Variants in UPRT observed in about 807,000 individuals in gnomAD.
UPRT encodes RP11-311P8.3.
UPRT carries 5 observed loss-of-function variants against 22.6 expected under a neutral mutation model. The ratio of observed to expected loss-of-function variants is 0.22; its 90% CI spans 0.12 to 0.47. The LOEUF (loss-of-function observed/expected upper bound fraction) is 0.47, where lower values mean the gene tolerates loss of function less well. Ranked by LOEUF, UPRT falls within the 20% of genes least tolerant of loss-of-function variation. The probability of loss-of-function intolerance (pLI) is 0.99; values close to 1 mark genes in which losing one functional copy is unlikely to be tolerated. For synonymous variants in UPRT, 77 were observed against 87.7 expected, an observed-to-expected ratio of 0.88 and a Z score of 0.68; for missense variants, 181 against 239.9, an observed-to-expected ratio of 0.75 and a Z score of 1.62.
intron 4 of UPRT, chrX:75,201,406 AGT>A (rs1569264835): frequency 8.9e-6 from 1 of 112,930 alleles, no homozygotes; most frequent in Non-Finnish European, 1.9e-5. Context: ...AGACAGAAAT[AGT>A]GTTGTATTGA....
At chrX:75,190,342 G>T (rs2082310649) in intron 4 of UPRT, among the ~76,000 whole-genome samples, 1 of 112,057 alleles carries the variant, frequency 8.9e-6, no homozygotes, top group Admixed American at 9.4e-5. Context: ...TCTGCCGAGA[G>T]ATCTGCTGTT....
rs1442709473 is a variant in UPRT at position 75,218,224 on chromosome X, G to A, written c.-447+50345G>A. On this transcript the variant is annotated intron_variant, in intron 4 of 13. Transcript: ENST00000652605. ...CAAACAACCCCATCAAAAAGTGGGT[G>A]AAGGACATGAACAGACACTTCTCAA... Among the ~76,000 whole-genome samples, 479 of 110,722 alleles carry A rather than the reference G, an allele frequency of 4.3e-3. 1 individual carries two copies. The highest frequency in any genetic ancestry group is 5.3e-3 in the South Asian group (14 of 2,643).
At chrX:75,185,630 C>A (rs1175520897) in intron 4 of UPRT, among the ~76,000 whole-genome samples, 50 of 111,643 alleles carry the variant, frequency 4.5e-4, no homozygotes, top group African/African-American at 1.3e-3. Context: ...GGTAGAATTC[C>A]GCTGTGAATC....
At chrX:75,166,027 C>T (rs1384452130) in intron 3 of UPRT, among the ~76,000 whole-genome samples, 1 of 112,047 alleles carries the variant, frequency 8.9e-6, no homozygotes, top group East Asian at 2.8e-4. Flanking sequence ...TAACCTAGCA[C>T]ATAATCAGCA....
intron 4 of UPRT, among the ~76,000 whole-genome samples, chrX:75,222,238 C>T (rs768067134): frequency 6.8e-4 from 76 of 111,965 alleles, no homozygotes; most frequent in African/African-American, 2.4e-3. Flanking sequence ...GGAGGAGTGA[C>T]ACAAGTACTG....
At chrX:75,174,019 C>A (rs1409524235) in intron 4 of UPRT, among the ~76,000 whole-genome samples, 1 of 111,165 alleles carries the variant, frequency 9.0e-6, no homozygotes, top group Non-Finnish European at 1.9e-5. Context: ...TGGGCTCCAG[C>A]CTTGGCCAGC....
At chrX:75,217,110 AC>A (rs1239168067) in intron 4 of UPRT, among the ~76,000 whole-genome samples, 1 of 111,656 alleles carries the variant, frequency 9.0e-6, no homozygotes, top group East Asian at 2.8e-4. Context: ...GTCTGAGAAG[AC>A]CTGGTGTATG....
At chrX:75,245,779 G>T (rs180778802) in intron 4 of UPRT, among the ~76,000 whole-genome samples, 1 of 111,007 alleles carries the variant, frequency 9.0e-6, no homozygotes, top group Non-Finnish European at 1.9e-5. Context: ...CAATAGACAT[G>T]GGGGCCTACT....
chrX:75,244,266 T>G (rs1318805593), intron 4 of UPRT, among the ~76,000 whole-genome samples: 1 of 112,041 alleles, frequency 8.9e-6, no homozygotes, highest in Non-Finnish European at 1.9e-5. Flanking sequence ...CTCATACTTC[T>G]TTGAATCTCT....
At chrX:75,208,338 G>T (rs2082372011) in intron 4 of UPRT, among the ~76,000 whole-genome samples, 1 of 111,518 alleles carries the variant, frequency 9.0e-6, no homozygotes, top group East Asian at 2.8e-4. Context: ...TAGGAGCAAG[G>T]GGAAGTTCAG....
Position 75,304,316 on chromosome X carries a change from G to A in UPRT, c.*805G>A, listed in dbSNP as rs1406435020. 1 of 111,448 alleles carries A rather than the reference G, an allele frequency of 9.0e-6. No homozygotes were observed. The highest frequency in any genetic ancestry group is 1.9e-5 in the Non-Finnish European group (1 of 53,080). The allele number at this position is 111,448 out of a possible 1,213,427, so 9.2% of individuals were successfully genotyped here. On this transcript the variant is annotated 3_prime_UTR_variant, in exon 7 of 7. Coordinates refer to ENST00000373383, the MANE Select transcript of UPRT (RefSeq NM_145052.4). ...TGGGGGAAAGGGTGGTTTCTTGCTG[G>A]ATTTCATGGCCAGTAAGTAAATTTA...
intron 4 of UPRT, among the ~76,000 whole-genome samples, chrX:75,298,688 CCTTTTTT>C (rs1263090092): frequency 1.8e-5 from 2 of 112,084 alleles, no homozygotes; most frequent in Non-Finnish European, 3.8e-5. Context: ...ACTTTAAGCT[CCTTTTTT>C]CTAGGAGGAA....
intron 1 of UPRT, among the ~76,000 whole-genome samples, chrX:75,287,338 T>C (rs1214978650): frequency 9.0e-6 from 1 of 111,676 alleles, no homozygotes; most frequent in Admixed American, 9.5e-5. Context: ...AGTAAGAAGA[T>C]GGGAGAAGCT....
intron 4 of UPRT, among the ~76,000 whole-genome samples, chrX:75,179,991 T>C (rs1278968998): frequency 8.9e-6 from 1 of 112,395 alleles, no homozygotes; most frequent in Non-Finnish European, 1.9e-5. Context: ...GCTGAAGGGC[T>C]CCTCAAATGC....
At chrX:75,262,105 C>A (rs2082570245) in intron 4 of UPRT, among the ~76,000 whole-genome samples, 1 of 111,555 alleles carries the variant, frequency 9.0e-6, no homozygotes. Flanking sequence ...ATGATACAAG[C>A]CAGAAGAGAG....
In UPRT at chrX:75,303,585, A is replaced by G; in HGVS notation, c.*74A>G. On this transcript the variant is annotated 3_prime_UTR_variant, in exon 7 of 7. Transcript: ENST00000373383. ...GATTTTCTATTTGTTTTACTGATTC[A>G]CTTGAGGGTGGCAGAGAAAAATGTG... The G allele has an allele frequency of 1.1e-6, 1 of 873,970 alleles. No individual in the cohort carries two copies. Among genetic ancestry groups the G allele is most frequent in the Non-Finnish European group, 1.6e-6 (1 of 629,673 alleles). The allele number at this position is 873,970 out of a possible 1,213,427, so 72.0% of individuals were successfully genotyped here. A position where few individuals can be genotyped will look rare whatever the true frequency, so the allele number is the denominator to read the frequency against.
At chrX:75,299,707 C>T (rs772661687) in intron 4 of UPRT, 28 bp from the exon 5 acceptor site, 1 of 1,188,193 alleles carries the variant, frequency 8.4e-7, no homozygotes, top group Non-Finnish European at 1.1e-6. Context: ...TTCCCCTAAT[C>T]TTTTTTCTTT....
chrX:75,297,419 G>A (rs1047138254), intron 3 of UPRT, 72 bp from the exon 4 acceptor site: 48 of 1,083,781 alleles, frequency 4.4e-5, no homozygotes, highest in Middle Eastern at 2.4e-4. Context: ...ACTTTAAACC[G>A]TAGACACTTT....
chrX:75,226,720 C>G (rs1301481613), intron 4 of UPRT, among the ~76,000 whole-genome samples: 3 of 110,134 alleles, frequency 2.7e-5, no homozygotes, highest in African/African-American at 9.9e-5. Context: ...CCATCACTCT[C>G]GATTCCCTTT....
Sources: allele counts gnomAD v4.1 joint callset (sites outside exome capture counted in the v4.1 genomes callset), GRCh38; gene constraint gnomAD v4.1.1; transcripts MANE v1.5; gene names NCBI Gene and HGNC (gene_info 2026-07-23, HGNC 2026-07-21).